The following DLAT variants were observed in gnomAD, a reference collection of about 807,000 sequenced individuals.
DLAT encodes dihydrolipoyllysine-residue acetyltransferase component of pyruvate dehydrogenase complex, mitochondrial.
In DLAT, 43 loss-of-function variants were observed where a neutral mutation model predicts 68.0. The ratio of observed to expected loss-of-function variants is 0.63; its 90% CI spans 0.50 to 0.81. The LOEUF is 0.81. Among genes scored for constraint, DLAT ranks in the 40% least tolerant of loss-of-function variants. DLAT has a pLI of 0.00. For missense variants in DLAT, 745 were observed against 815.4 expected (o/e 0.91, Z 1.05); for synonymous variants, 265 against 288.6 (o/e 0.92, Z 0.83).
At chr11:112,038,710 G>A (rs1555180750) in intron 6 of DLAT, among the ~76,000 whole-genome samples, 1 of 151,610 alleles carries the variant, frequency 6.6e-6, no homozygotes, top group Non-Finnish European at 1.5e-5. Context: ...GCTGGGCGTG[G>A]TGGTGCGTGC....
intron 2 of DLAT, among the ~76,000 whole-genome samples, chr11:112,026,980 C>T (rs1200372011): frequency 6.6e-6 from 1 of 150,816 alleles, no homozygotes; most frequent in Non-Finnish European, 1.5e-5. Flanking sequence ...GGGCGGCTGG[C>T]TGGGCGGGGG....
chr11:112,036,109 A>ATC (rs1555180410), intron 5 of DLAT, among the ~76,000 whole-genome samples: 12 of 146,848 alleles, frequency 8.2e-5, no homozygotes, highest in African/African-American at 2.0e-4. Flanking sequence ...ATATATATAT[A>ATC]TCTCCAGACT....
rs782190453 is a variant in DLAT at position 112,064,225 on chromosome 11, GA to G, written c.*1698del. 1.9e-5 allele frequency: 29 copies of G among 1,550,944 alleles called. No individual in the cohort carries two copies. Among genetic ancestry groups the G allele is most frequent in the Admixed American group, 1.2e-4 (6 of 48,228 alleles). ...ATGCTTGTGGTTCTGTTGTTCCCTT[GA>G]AAAAAAATAAAAACAGTTGCCTTCT... is the stretch of plus-strand genomic sequence containing the variant. On this transcript the variant is annotated 3_prime_UTR_variant, in exon 14 of 14. Coordinates refer to ENST00000280346, the MANE Select transcript of DLAT (RefSeq NM_001931.5).
chr11:112,027,648 G>A (rs1242293511), intron 2 of DLAT, among the ~76,000 whole-genome samples: 2 of 152,280 alleles, frequency 1.3e-5, no homozygotes, highest in South Asian at 2.1e-4. Context: ...CTGCAATCCC[G>A]GCACCTCGGG....
intron 3 of DLAT, 21 bp from the exon 4 acceptor site, chr11:112,028,771 T>C: frequency 1.2e-6 from 2 of 1,614,228 alleles, no homozygotes; most frequent in Non-Finnish European, 1.7e-6. Flanking sequence ...ATTATATTTA[T>C]GCATTCTTTC....
In DLAT at chr11:112,063,012, C is replaced by A. The variant is rs1864731248; in HGVS notation, c.*477C>A. 6.4e-6 allele frequency: 1 copy of A among 157,302 alleles called. No homozygotes were observed. The highest frequency in any genetic ancestry group is 1.4e-5 in the Non-Finnish European group (1 of 70,966). The allele number at this position is 157,302 out of a possible 1,614,324, so 9.7% of individuals were successfully genotyped here. On this transcript the variant is annotated 3_prime_UTR_variant, in exon 14 of 14. Transcript: ENST00000280346. ...TGAAGCTTTACTTTAGAATTTAGCC[C>A]TGGTTTGAAATTTTCCATTACATGA...
At chr11:112,046,979 T>C (rs1192499961) in intron 10 of DLAT, among the ~76,000 whole-genome samples, 5 of 152,246 alleles carry the variant, frequency 3.3e-5, no homozygotes, top group African/African-American at 1.2e-4. Flanking sequence ...TTTGGGTCTA[T>C]ACCCAGTAAT....
chr11:112,047,178 ACT>A lies in DLAT; in HGVS notation c.1398+1210_1398+1211del, dbSNP rs200919553. On this transcript the variant is annotated intron_variant, in intron 10 of 13. Transcript: ENST00000280346. ...CCATTGTAACTGGCGTGAGATGGTA[ACT>A]CACTGTGGTTTTGATTTGCATTTCT... Among the ~76,000 whole-genome samples the A allele has an allele frequency of 9.0e-3, 1,366 of 152,166 alleles. 11 individuals carry two copies. The highest frequency in any genetic ancestry group is 0.03 in the African/African-American group (1,253 of 41,514).
Position 112,060,452 on chromosome 11 carries a change from G to A in DLAT, c.1677+387G>A, listed in dbSNP as rs1205999677. 2.6e-5 allele frequency among the ~76,000 whole-genome samples: 4 copies of A among 151,722 alleles called. No homozygotes were observed. The South Asian group carries it at 6.2e-4, about 24-fold the overall frequency. The stretch of plus-strand genomic sequence containing the variant: ...TGGGATTACAGGCATGAGCCACCAC[G>A]CCCAGCGTAATTCTTTTTTGAAACA... On this transcript the variant is annotated intron_variant, in intron 12 of 13. Transcript: ENST00000280346.
chr11:112,025,720 G>A lies in DLAT; in HGVS notation c.248G>A (p.Arg83His). The change falls in exon 1 of 14, where the codon CGC (arginine) becomes CAC (histidine). Residue 83 changes from arginine (R) to histidine (H), a missense_variant. Physicochemically the swap from Arg to His is conservative, Grantham distance 29. Coordinates refer to ENST00000280346, the MANE Select transcript of DLAT (RefSeq NM_001931.5). The stretch of plus-strand genomic sequence containing the variant: ...CTGCAGCTTTTGGGGTCGCCCGGCC[G>A]CCGCTATTACAGTCTTCCCCCGCAT... ...LLLQLLGSPG[R>H]RYYSLPPHQK... The A allele has an allele frequency of 6.2e-7, 1 of 1,613,296 alleles. No homozygotes were observed. The highest frequency in any genetic ancestry group is 8.5e-7 in the Non-Finnish European group (1 of 1,179,974).
In DLAT at chr11:112,037,154, CA is replaced by C. The variant is rs368713872; in HGVS notation, c.788-113del. 1.1e-4 allele frequency: 104 copies of C among 925,816 alleles called. No individual in the cohort carries two copies. The East Asian group carries it at 1.2e-3, about 10-fold the overall frequency. The allele number at this position is 925,816 out of a possible 1,614,324, so 57.4% of individuals were successfully genotyped here. A position where few individuals can be genotyped will look rare whatever the true frequency, so the allele number is the denominator to read the frequency against. The stretch of plus-strand genomic sequence containing the variant: ...AAGACACAGAAGGTTAAATAGGTTG[CA>C]AAAAAGGCTATATAGCTAGCTTGAA... On this transcript the variant is annotated intron_variant, in intron 5 of 13. Transcript: ENST00000280346.
chr11:112,039,652 C>T (rs1862953567), intron 7 of DLAT, among the ~76,000 whole-genome samples: 2 of 151,832 alleles, frequency 1.3e-5, no homozygotes, highest in Non-Finnish European at 2.9e-5. Context: ...CTCTTCTATT[C>T]ATGGAAACTG....
At position 112,045,197 on chromosome 11, in the gene DLAT, C is replaced by T; in HGVS notation, c.1257C>T (p.Val419=). Residue 419 remains valine (V), a synonymous_variant, in exon 9 of 14, where the codon GTC becomes GTT. Coordinates refer to ENST00000280346, the MANE Select transcript of DLAT (RefSeq NM_001931.5). The part of the protein sequence containing the change: ...GPGMAPVPTG[V]FTDIPISNIR... Reference sequence around the variant, plus strand: ...GAATGGCACCAGTTCCTACAGGTGTCTTCACAGATATCCCAATCAGCAACA... The same window carrying T: ...GAATGGCACCAGTTCCTACAGGTGTTTTCACAGATATCCCAATCAGCAACA... The T allele has an allele frequency of 6.2e-7, 1 of 1,613,996 alleles. No homozygotes were observed. The highest frequency in any genetic ancestry group is 1.7e-5 in the Admixed American group (1 of 59,996).
intron 7 of DLAT, among the ~76,000 whole-genome samples, chr11:112,039,878 A>T (rs1403051094): frequency 2.0e-5 from 3 of 152,220 alleles, no homozygotes; most frequent in African/African-American, 7.2e-5. Context: ...GCCGCCAAAG[A>T]AAAAATATAG....
At chr11:112,034,796 C>G (rs1306267535) in intron 5 of DLAT, among the ~76,000 whole-genome samples, 1 of 148,652 alleles carries the variant, frequency 6.7e-6, no homozygotes, top group Admixed American at 6.7e-5. Flanking sequence ...TTTTTTGAGA[C>G]AGAGTTTTGC....
intron 13 of DLAT, 138 bp downstream of exon 13, chr11:112,061,312 A>T: frequency 1.2e-6 from 1 of 848,156 alleles, no homozygotes; most frequent in Admixed American, 1.9e-5. Context: ...CTGATATGAT[A>T]TGATGTAATA....
rs1461731124 is a variant in DLAT at position 112,062,600 on chromosome 11, G to A, written c.*65G>A. 3.2e-6 allele frequency: 5 copies of A among 1,542,426 alleles called. No homozygotes were observed. The highest frequency in any genetic ancestry group is 2.3e-4 in the Middle Eastern group (1 of 4,348). ...TTCATTCTTAACAAGATATTTATATGTTATTAAACAGGTGGTTCTTTTTAT... is the reference window on the plus strand; with the variant it reads ...TTCATTCTTAACAAGATATTTATATATTATTAAACAGGTGGTTCTTTTTAT... On this transcript the variant is annotated 3_prime_UTR_variant, in exon 14 of 14. Coordinates refer to ENST00000280346, the MANE Select transcript of DLAT (RefSeq NM_001931.5).
chr11:112,029,841 C>A, intron 4 of DLAT: 1 of 596,826 alleles, frequency 1.7e-6, no homozygotes. Flanking sequence ...TGGACTACAT[C>A]TCCCCGCACT....
At chr11:112,044,516 T>G (rs1005722345) in intron 8 of DLAT, among the ~76,000 whole-genome samples, 1 of 152,226 alleles carries the variant, frequency 6.6e-6, no homozygotes, top group Non-Finnish European at 1.5e-5. Flanking sequence ...TTTATACTTA[T>G]TTATTATTCC....
Sources: gnomAD v4.1 joint callset for allele counts (sites outside exome capture counted in the v4.1 genomes callset) on GRCh38, gnomAD v4.1.1 for gene constraint, MANE v1.5 for transcripts, NCBI Gene and HGNC (gene_info 2026-07-23, HGNC 2026-07-21) for gene names.